The following PSEN1 variants were observed in gnomAD, a reference collection of about 807,000 sequenced individuals.
The protein encoded by PSEN1 is presenilin-1.
In PSEN1, 15 loss-of-function variants were observed where a neutral mutation model predicts 53.5. The observed-to-expected ratio is 0.28, with a 90% CI of 0.19 to 0.43. The LOEUF (loss-of-function observed/expected upper bound fraction) is 0.43, where lower values mean the gene tolerates loss of function less well. PSEN1 is among the 20% of genes least tolerant of loss of function. The pLI, the probability that PSEN1 is intolerant of heterozygous loss-of-function variation, is 1.00. For synonymous variants in PSEN1, 208 were observed against 209.8 expected (o/e 0.99, Z 0.08); for missense variants, 387 against 571.2 (o/e 0.68, Z 3.29).
At chr14:73,210,656 T>C (rs899997396) in intron 9 of PSEN1, among the ~76,000 whole-genome samples, 5 of 152,108 alleles carry the variant, frequency 3.3e-5, no homozygotes, top group African/African-American at 1.2e-4. Flanking sequence ...TTTCATAAAC[T>C]CCAAACCAGA....
chr14:73,142,097 T>C (rs1216517413), intron 1 of PSEN1, among the ~76,000 whole-genome samples: 1 of 151,682 alleles, frequency 6.6e-6, no homozygotes, highest in Non-Finnish European at 1.5e-5. Flanking sequence ...AAACTACATC[T>C]CAATAATAAT....
intron 10 of PSEN1, among the ~76,000 whole-genome samples, chr14:73,213,404 C>T (rs1238281023): frequency 6.6e-6 from 1 of 151,770 alleles, no homozygotes; most frequent in African/African-American, 2.4e-5. Context: ...TCTTCGTCTC[C>T]AACTTTTAAA....
intron 5 of PSEN1, among the ~76,000 whole-genome samples, chr14:73,175,188 G>A (rs1185965744): frequency 1.3e-5 from 2 of 152,030 alleles, no homozygotes; most frequent in East Asian, 1.9e-4. Flanking sequence ...GTGTGACAGC[G>A]CGATCTTGGC....
intron 3 of PSEN1, among the ~76,000 whole-genome samples, chr14:73,157,778 G>A (rs1463707528): frequency 6.6e-6 from 1 of 151,942 alleles, no homozygotes; most frequent in Non-Finnish European, 1.5e-5. Flanking sequence ...GTCGAGGTGG[G>A]CGATGACTTG....
chr14:73,203,147 C>T (rs1436682645), intron 8 of PSEN1, among the ~76,000 whole-genome samples: 3 of 152,102 alleles, frequency 2.0e-5, no homozygotes, highest in African/African-American at 4.8e-5. Flanking sequence ...GGCACAATCT[C>T]GGCTCACTGC....
At chr14:73,215,790 A>G (rs1245774149) in intron 10 of PSEN1, among the ~76,000 whole-genome samples, 1 of 152,254 alleles carries the variant, frequency 6.6e-6, no homozygotes, top group Non-Finnish European at 1.5e-5. Context: ...GAAAAAGGCT[A>G]ACAATACCAA....
At chr14:73,205,511 C>T (rs1899422012) in intron 8 of PSEN1, among the ~76,000 whole-genome samples, 1 of 151,446 alleles carries the variant, frequency 6.6e-6, no homozygotes, top group African/African-American at 2.4e-5. Flanking sequence ...ATTACTGTGA[C>T]CAGATTGGAC....
Position 73,221,581 on chromosome 14 carries a change from C to G in PSEN1, c.*2292C>G, listed in dbSNP as rs553596502. The G allele has an allele frequency of 6.6e-6, 1 of 151,822 alleles. No individual in the cohort carries two copies. The highest frequency in any genetic ancestry group is 1.5e-5 in the Non-Finnish European group (1 of 67,976). The allele number at this position is 151,822 out of a possible 1,614,324, so 9.4% of individuals were successfully genotyped here. ...CATTGTTAGACAGTGTACAGAGAAC[C>G]TATCTTTCCTTTTTTTTTTTTTAAA... On this transcript the variant is annotated 3_prime_UTR_variant, in exon 12 of 12. Coordinates refer to ENST00000324501, the MANE Select transcript of PSEN1 (RefSeq NM_000021.4).
intron 3 of PSEN1, among the ~76,000 whole-genome samples, chr14:73,157,667 C>G (rs890445922): frequency 6.6e-6 from 1 of 152,038 alleles, no homozygotes; most frequent in African/African-American, 2.4e-5. Context: ...CATGTTTTGT[C>G]ACCGCGCGCA....
intron 5 of PSEN1, among the ~76,000 whole-genome samples, chr14:73,181,409 C>T (rs575428437): frequency 6.6e-6 from 1 of 152,282 alleles, no homozygotes; most frequent in African/African-American, 2.4e-5. Context: ...TGCCCTCCAG[C>T]CTGGGCAACA....
chr14:73,211,880 A>C lies in PSEN1; in HGVS notation c.1067A>C (p.Glu356Ala), dbSNP rs143683769. Residue 356 changes from glutamate to alanine, a missense_variant, in exon 10 of 12, where the codon GAG becomes GCG. Glu to Ala is a moderately radical substitution (Grantham distance 107). Coordinates refer to ENST00000324501, the MANE Select transcript of PSEN1 (RefSeq NM_000021.4). ...CTAGGGCCTCATCGCTCTACACCTG[A>C]GTCACGAGCTGCTGTCCAGGAACTT... Reference protein sequence around the residue: ...SHLGPHRSTPESRAAVQELSS... With the variant: ...SHLGPHRSTPASRAAVQELSS... 6.2e-7 allele frequency: 1 copy of C among 1,613,984 alleles called. No homozygotes were observed.
intron 11 of PSEN1, among the ~76,000 whole-genome samples, chr14:73,218,762 A>G (rs892838517): frequency 1.3e-5 from 2 of 151,512 alleles, no homozygotes; most frequent in East Asian, 3.9e-4. Context: ...CACAGCATAG[A>G]GAATGCTCTT....
chr14:73,151,878 T>TTTTATATATATATATATATATATA lies in PSEN1; in HGVS notation c.87+3773_87+3774insTTATATATATATATATATATATAT, dbSNP rs1321315363. On this transcript the variant is annotated intron_variant, in intron 3 of 11. Transcript: ENST00000324501. The stretch of plus-strand genomic sequence containing the variant: ...GCTACTGCGCCCAACCTAAAATATT[T>TTTTATATATATATATATATATATA]TATATATATATATATATTTTTTTTT... Among the ~76,000 whole-genome samples, 24 of 56,928 alleles carry TTTTATATATATATATATATATATA rather than the reference T, an allele frequency of 4.2e-4. 1 individual carries two copies. Among genetic ancestry groups the TTTTATATATATATATATATATATA allele is most frequent in the African/African-American group, 2.2e-3 (24 of 10,974 alleles). 37.3% of individuals were successfully genotyped at this position (56,928 alleles called of 152,430 possible). A position where few individuals can be genotyped will look rare whatever the true frequency, so the allele number is the denominator to read the frequency against.
At chr14:73,197,062 A>G (rs1159779425) in intron 7 of PSEN1, among the ~76,000 whole-genome samples, 2 of 151,422 alleles carry the variant, frequency 1.3e-5, no homozygotes, top group Non-Finnish European at 2.9e-5. Context: ...CCTCCCGAGT[A>G]GCTGGGACTA....
At chr14:73,159,660 C>T (rs1179188520) in intron 3 of PSEN1, among the ~76,000 whole-genome samples, 4 of 152,154 alleles carry the variant, frequency 2.6e-5, no homozygotes, top group African/African-American at 9.6e-5. Context: ...TCTGTTCCAT[C>T]AGTCATGGGT....
chr14:73,151,760 G>A, intron 3 of PSEN1, among the ~76,000 whole-genome samples: 1 of 150,870 alleles, frequency 6.6e-6, no homozygotes, highest in East Asian at 1.9e-4. Flanking sequence ...GCAGAAATGA[G>A]GTTTCACCGT....
Position 73,151,894 on chromosome 14 carries a change from A to T in PSEN1, c.87+3788A>T, listed in dbSNP as rs1026856706. Among the ~76,000 whole-genome samples the T allele has an allele frequency of 4.5e-3, 177 of 39,042 alleles. 11 individuals are homozygous for T. The highest frequency in any genetic ancestry group is 6.0e-3 in the Non-Finnish European group (149 of 24,754). 25.6% of individuals were successfully genotyped at this position (39,042 alleles called of 152,430 possible). A position where few individuals can be genotyped will look rare whatever the true frequency, so the allele number is the denominator to read the frequency against. On this transcript the variant is annotated intron_variant, in intron 3 of 11. Transcript: ENST00000324501. ...TAAAATATTTTATATATATATATAT[A>T]TTTTTTTTTTTTTTTTTTTTTTTTT...
At chr14:73,189,883 G>A (rs1458129245) in intron 6 of PSEN1, 1 of 212,904 alleles carries the variant, frequency 4.7e-6, no homozygotes, top group Non-Finnish European at 9.8e-6. Context: ...CCATGTGTTG[G>A]TCTCCCTTGA....
intron 3 of PSEN1, among the ~76,000 whole-genome samples, chr14:73,157,554 C>T (rs1198728005): frequency 6.6e-6 from 1 of 152,132 alleles, no homozygotes; most frequent in Admixed American, 6.6e-5. Context: ...GAAACCACCA[C>T]CACAGTTAAA....
Sources: gnomAD v4.1 joint callset for allele counts (sites outside exome capture counted in the v4.1 genomes callset) on GRCh38, gnomAD v4.1.1 for gene constraint, MANE v1.5 for transcripts, NCBI Gene and HGNC (gene_info 2026-07-23, HGNC 2026-07-21) for gene names.